PKHD1: variants seen among roughly 807,000 people sequenced by gnomAD.
PKHD1 encodes the protein PKHD1 ciliary IPT domain containing fibrocystin/polyductin, also known as fibrocystin.
In PKHD1, 291 loss-of-function variants were observed where a neutral mutation model predicts 412.0. That is an observed-to-expected ratio of 0.71 (90% CI 0.64 to 0.78). The LOEUF (loss-of-function observed/expected upper bound fraction) is 0.78. Among genes scored for constraint, PKHD1 ranks in the 30% least tolerant of loss-of-function variants. The probability of loss-of-function intolerance (pLI) is 0.00; values close to 1 mark genes in which losing one functional copy is unlikely to be tolerated. For synonymous variants in PKHD1, 1,777 were observed against 1,821.5 expected, an observed-to-expected ratio of 0.98 and a Z score of 0.62; for missense variants, 4,825 against 4,950.7, an observed-to-expected ratio of 0.97 and a Z score of 0.76.
At chr6:51,912,901 C>A (rs1212206855) in intron 37 of PKHD1, among the ~76,000 whole-genome samples, 2 of 152,026 alleles carry the variant, frequency 1.3e-5, no homozygotes. Context: ...TAACCCTATT[C>A]TTTAGGGTAA....
chr6:51,721,214 A>C (rs1487254843), intron 60 of PKHD1: 1 of 947,234 alleles, frequency 1.1e-6, no homozygotes, highest in African/African-American at 1.8e-5. Context: ...GCAATTCAAA[A>C]AATTGCAACC....
intron 49 of PKHD1, among the ~76,000 whole-genome samples, chr6:51,855,113 G>A (rs1030817247): frequency 2.6e-5 from 4 of 152,308 alleles, no homozygotes; most frequent in African/African-American, 7.2e-5. Flanking sequence ...CAGTTTCCCC[G>A]GCTGGGTAGC....
At chr6:51,759,947 C>T (rs1477094809) in intron 55 of PKHD1, among the ~76,000 whole-genome samples, 1 of 152,018 alleles carries the variant, frequency 6.6e-6, no homozygotes, top group Non-Finnish European at 1.5e-5. Context: ...AAACATATGC[C>T]TTTCACCAGC....
chr6:51,801,994 T>C (rs1469925883), intron 52 of PKHD1, among the ~76,000 whole-genome samples: 1 of 152,196 alleles, frequency 6.6e-6, no homozygotes, highest in African/African-American at 2.4e-5. Context: ...CTGTATCAGA[T>C]CAGTCCTCTG....
At chr6:51,619,644 T>C (rs1766362692) in intron 66 of PKHD1, 124 bp from the exon 67 acceptor site, 1 of 768,114 alleles carries the variant, frequency 1.3e-6, no homozygotes, top group East Asian at 2.5e-5. Flanking sequence ...ATCAGCTCTT[T>C]GATTTCCAAA....
rs566975556 is a variant in PKHD1 at position 51,960,455 on chromosome 6, T to C, written c.5752-429A>G. Reference sequence around the variant, plus strand: ...TGAATCTTGGACAAAAAGTCATAAATAGCCTGGAATAGGGAGAATTAAAAT... The same window carrying C: ...TGAATCTTGGACAAAAAGTCATAAACAGCCTGGAATAGGGAGAATTAAAAT... On this transcript the variant is annotated intron_variant, in intron 35 of 66. Coordinates refer to ENST00000371117, the MANE Select transcript of PKHD1 (RefSeq NM_138694.4). Among the ~76,000 whole-genome samples, 8 of 152,246 alleles carry C rather than the reference T, an allele frequency of 5.3e-5. 1 individual carries two copies. Among genetic ancestry groups the C allele is most frequent in the Admixed American group, 1.3e-4 (2 of 15,274 alleles).
chr6:51,769,061 C>G (rs760340291), intron 55 of PKHD1, among the ~76,000 whole-genome samples: 1 of 151,432 alleles, frequency 6.6e-6, no homozygotes, highest in Non-Finnish European at 1.5e-5. Flanking sequence ...GAAACACATT[C>G]AAACATAGCT....
At chr6:51,828,831 CA>C (rs1467967126) in intron 52 of PKHD1, among the ~76,000 whole-genome samples, 1 of 151,958 alleles carries the variant, frequency 6.6e-6, no homozygotes, top group African/African-American at 2.4e-5. Flanking sequence ...ATCAGCCTGT[CA>C]AAAATCAGAA....
chr6:52,065,136 TATATATATATA>T, intron 12 of PKHD1, 86 bp from the exon 13 acceptor site: 2 of 54,478 alleles, frequency 3.7e-5, no homozygotes, highest in East Asian at 4.7e-4. Flanking sequence ...TGTATAATTA[TATATATATATA>T]TATATATATA....
At chr6:52,039,344 G>A (rs200416933) in intron 27 of PKHD1, among the ~76,000 whole-genome samples, 46 of 80,292 alleles carry the variant, frequency 5.7e-4, no homozygotes, top group Non-Finnish European at 1.1e-3. Flanking sequence ...TGCATCATGG[G>A]GGCAGATTTC....
chr6:51,854,945 C>T (rs1238565046), intron 49 of PKHD1, among the ~76,000 whole-genome samples: 3 of 152,240 alleles, frequency 2.0e-5, no homozygotes, highest in African/African-American at 7.2e-5. Flanking sequence ...GCAGCTGCAG[C>T]CAGTGCTGGT....
At chr6:52,072,791 T>C (rs571009311) in intron 7 of PKHD1, among the ~76,000 whole-genome samples, 1 of 152,306 alleles carries the variant, frequency 6.6e-6, no homozygotes, top group South Asian at 2.1e-4. Context: ...GCTGAGTATA[T>C]AGTAAGATCA....
chr6:51,790,507 C>G (rs1309796905), intron 53 of PKHD1, among the ~76,000 whole-genome samples: 1 of 152,162 alleles, frequency 6.6e-6, no homozygotes, highest in East Asian at 1.9e-4. Context: ...ACTAGCTACC[C>G]AGGGAGCCAC....
At chr6:52,083,586 G>A (rs559018938) in intron 2 of PKHD1, among the ~76,000 whole-genome samples, 18 of 152,180 alleles carry the variant, frequency 1.2e-4, no homozygotes, top group African/African-American at 3.8e-4. Flanking sequence ...TTTGGAAAGA[G>A]CCTCAAGGAC....
At chr6:52,067,570 T>C (rs1014896957) in intron 11 of PKHD1, among the ~76,000 whole-genome samples, 6 of 152,144 alleles carry the variant, frequency 3.9e-5, no homozygotes, top group Non-Finnish European at 7.4e-5. Flanking sequence ...TATGAAAGAA[T>C]AGAGAACTTT....
chr6:51,695,481 G>A (rs75832673), intron 60 of PKHD1, among the ~76,000 whole-genome samples: 3,643 of 152,236 alleles, frequency 0.024, 57 homozygotes, highest in Non-Finnish European at 0.039. Flanking sequence ...AGAGGAAGGA[G>A]AGGAGGAAGA....
At position 51,617,981 on chromosome 6, in the gene PKHD1, G is replaced by C. The variant is rs1158439025; in HGVS notation, c.*1100C>G. 1 of 152,076 alleles carries C rather than the reference G, an allele frequency of 6.6e-6. No individual in the cohort carries two copies. Among genetic ancestry groups the C allele is most frequent in the East Asian group, 1.9e-4 (1 of 5,192 alleles). 9.4% of individuals were successfully genotyped at this position (152,076 alleles called of 1,614,324 possible). A position where few individuals can be genotyped will look rare whatever the true frequency, so the allele number is the denominator to read the frequency against. On this transcript the variant is annotated 3_prime_UTR_variant, in exon 67 of 67. Transcript: ENST00000371117. ...TTTCTTTACATGCTTGGAGCATAAG[G>C]CCTTCTGGATCCAGAGCCAAGGACA...
At chr6:51,885,784 G>T in intron 45 of PKHD1, 83 bp downstream of exon 45, 1 of 865,246 alleles carries the variant, frequency 1.2e-6, no homozygotes, top group East Asian at 2.6e-5. Context: ...AAGTAGATAT[G>T]CATAATGAAT....
intron 35 of PKHD1, among the ~76,000 whole-genome samples, chr6:51,995,284 A>C (rs1797596324): frequency 6.6e-6 from 1 of 152,210 alleles, no homozygotes; most frequent in African/African-American, 2.4e-5. Flanking sequence ...TCTAAGGAGC[A>C]TTTTATGAGA....
Sources: allele counts gnomAD v4.1 joint callset (sites outside exome capture counted in the v4.1 genomes callset), GRCh38; gene constraint gnomAD v4.1.1; transcripts MANE v1.5; gene names NCBI Gene and HGNC (gene_info 2026-07-23, HGNC 2026-07-21).